Variants in SYT16 observed in about 807,000 individuals in gnomAD.
SYT16 encodes the protein synaptotagmin 16, also known as synaptotagmin-16.
SYT16 carries 42 observed loss-of-function variants against 61.4 expected under a neutral mutation model. The observed-to-expected ratio is 0.68, with a 90% CI of 0.53 to 0.89. SYT16 has a LOEUF of 0.89. Among genes scored for constraint, SYT16 ranks in the 40% least tolerant of loss-of-function variants. SYT16 has a pLI of 0.00. For missense variants in SYT16, 804 were observed against 807.3 expected (o/e 1.00, Z 0.05); for synonymous variants, 314 against 302.3 (o/e 1.04, Z -0.40).
intron 1 of SYT16, among the ~76,000 whole-genome samples, chr14:61,834,962 G>C (rs1417212719): frequency 6.6e-6 from 1 of 152,164 alleles, no homozygotes; most frequent in Non-Finnish European, 1.5e-5. Context: ...TGTTTCCAAA[G>C]CACTTGTTTT....
At chr14:61,975,183 T>G (rs1417366710) in intron 2 of SYT16, among the ~76,000 whole-genome samples, 1 of 152,212 alleles carries the variant, frequency 6.6e-6, no homozygotes, top group Non-Finnish European at 1.5e-5. Flanking sequence ...TGTTGAACCA[T>G]TGTAAGTTGA....
intron 1 of SYT16, among the ~76,000 whole-genome samples, chr14:61,926,971 T>C (rs532672467): frequency 1.3e-5 from 2 of 152,328 alleles, no homozygotes; most frequent in South Asian, 2.1e-4. Flanking sequence ...GACTAATTAG[T>C]AATCCTGTAA....
chr14:61,836,318 C>T (rs2046128124), intron 1 of SYT16, among the ~76,000 whole-genome samples: 1 of 152,192 alleles, frequency 6.6e-6, no homozygotes, highest in Admixed American at 6.5e-5. Context: ...CTTGTGTCTG[C>T]ATTGCAATGG....
At chr14:61,822,790 A>G (rs888020672) in intron 1 of SYT16, among the ~76,000 whole-genome samples, 2 of 152,178 alleles carry the variant, frequency 1.3e-5, no homozygotes, top group East Asian at 1.9e-4. Context: ...AAATTAAAAA[A>G]CACAGGAAGT....
intron 1 of SYT16, among the ~76,000 whole-genome samples, chr14:61,911,239 A>C (rs995794230): frequency 4.6e-5 from 7 of 152,232 alleles, no homozygotes; most frequent in African/African-American, 1.7e-4. Flanking sequence ...AGGACCGGCC[A>C]TAGACTAGAA....
intron 3 of SYT16, among the ~76,000 whole-genome samples, chr14:62,009,099 C>G (rs1433007956): frequency 6.6e-6 from 1 of 152,074 alleles, no homozygotes; most frequent in Non-Finnish European, 1.5e-5. Flanking sequence ...GGCTTCTTCT[C>G]TCTGTCACCA....
At chr14:61,825,632 T>C (rs1005042423) in intron 1 of SYT16, among the ~76,000 whole-genome samples, 14 of 152,178 alleles carry the variant, frequency 9.2e-5, no homozygotes, top group African/African-American at 3.1e-4. Context: ...TGCAGTGAGC[T>C]GAGATCATGC....
chr14:62,056,938 A>G (rs563080730), intron 3 of SYT16, among the ~76,000 whole-genome samples: 98 of 152,258 alleles, frequency 6.4e-4, no homozygotes, highest in Non-Finnish European at 1.1e-3. Context: ...CACGGGATGC[A>G]GGGAGGCTCT....
intron 3 of SYT16, among the ~76,000 whole-genome samples, chr14:62,050,623 A>G (rs2055233876): frequency 6.6e-6 from 1 of 151,980 alleles, no homozygotes; most frequent in Non-Finnish European, 1.5e-5. Flanking sequence ...TTGGTCTTTG[A>G]TGATGGTGAC....
At chr14:62,050,885 G>T (rs2140887454) in intron 3 of SYT16, among the ~76,000 whole-genome samples, 1 of 152,290 alleles carries the variant, frequency 6.6e-6, no homozygotes, top group Middle Eastern at 3.4e-3. Flanking sequence ...CGCCCCTACT[G>T]GGAGGTGACT....
chr14:61,837,192 C>G (rs572931953), intron 1 of SYT16, among the ~76,000 whole-genome samples: 1 of 151,418 alleles, frequency 6.6e-6, no homozygotes, highest in African/African-American at 2.4e-5. Context: ...GGTGTTGATC[C>G]TAACAGATTT....
chr14:61,820,469 G>GGTTTTT (rs2045578027), intron 1 of SYT16, among the ~76,000 whole-genome samples: 3 of 61,082 alleles, frequency 4.9e-5, no homozygotes, highest in African/African-American at 2.1e-4. Flanking sequence ...CCTCTTCAGA[G>GGTTTTT]TTTTTTTTTT....
At chr14:61,922,346 G>A (rs867688869) in intron 1 of SYT16, among the ~76,000 whole-genome samples, 19 of 152,272 alleles carry the variant, frequency 1.2e-4, no homozygotes, top group East Asian at 5.8e-4. Flanking sequence ...GGAATACTAC[G>A]CAGCCATAAA....
At chr14:62,092,234 G>A (rs985626904) in intron 7 of SYT16, among the ~76,000 whole-genome samples, 1 of 136,314 alleles carries the variant, frequency 7.3e-6, no homozygotes, top group Admixed American at 7.8e-5. Flanking sequence ...ACACTAACAA[G>A]TGTTAATGAG....
chr14:61,946,576 G>A (rs1328894826), intron 1 of SYT16, among the ~76,000 whole-genome samples: 1 of 152,056 alleles, frequency 6.6e-6, no homozygotes, highest in South Asian at 2.1e-4. Flanking sequence ...ACATTCTCAG[G>A]TACTGTTTTC....
intron 3 of SYT16, among the ~76,000 whole-genome samples, chr14:62,044,201 G>GAAA (rs201971671): frequency 0.069 from 9,475 of 138,274 alleles, 361 homozygotes; most frequent in East Asian, 0.12. Flanking sequence ...CCCTGTCTTT[G>GAAA]AAAAAAAAAA....
intron 1 of SYT16, among the ~76,000 whole-genome samples, chr14:61,917,163 A>C (rs779146115): frequency 5.3e-5 from 8 of 152,136 alleles, no homozygotes; most frequent in Non-Finnish European, 7.4e-5. Context: ...AACCTCCATA[A>C]TGAGATTCTC....
intron 1 of SYT16, among the ~76,000 whole-genome samples, chr14:61,835,517 C>CA (rs988115035): frequency 4.6e-5 from 7 of 151,472 alleles, no homozygotes; most frequent in African/African-American, 1.5e-4. Context: ...CTTGGCCTCC[C>CA]AAAGTGCTGG....
chr14:62,003,480 G>A (rs1204305093), intron 3 of SYT16, among the ~76,000 whole-genome samples: 1 of 151,802 alleles, frequency 6.6e-6, no homozygotes, highest in Non-Finnish European at 1.5e-5. Context: ...GCAAGTGCTT[G>A]TGTTCTTTCT....
Sources: allele counts gnomAD v4.1 joint callset (sites outside exome capture counted in the v4.1 genomes callset), GRCh38; gene constraint gnomAD v4.1.1; transcripts MANE v1.5; gene names NCBI Gene and HGNC (gene_info 2026-07-23, HGNC 2026-07-21).